Variants in MAP2K1 observed in about 807,000 individuals in gnomAD.
The protein encoded by MAP2K1 is mitogen-activated protein kinase kinase 1, also known as dual specificity mitogen-activated protein kinase kinase 1.
In MAP2K1, 16 loss-of-function variants were observed where a neutral mutation model predicts 46.3. That is an observed-to-expected ratio of 0.35 (90% confidence interval 0.23 to 0.52). The LOEUF is 0.52. MAP2K1 is among the 20% of genes least tolerant of loss of function. The pLI, the probability that MAP2K1 is intolerant of heterozygous loss-of-function variation, is 0.94. For synonymous variants in MAP2K1, 183 were observed against 185.6 expected (o/e 0.99, Z 0.11); for missense variants, 263 against 497.1 (o/e 0.53, Z 4.48).
chr15:66,436,742 C>T lies in MAP2K1; in HGVS notation c.292-4C>T, dbSNP rs771407622. The T allele has an allele frequency of 6.2e-7, 1 of 1,614,130 alleles. No homozygotes were observed. The highest frequency in any genetic ancestry group is 1.1e-5 in the South Asian group (1 of 91,080). The stretch of plus-strand genomic sequence containing the variant: ...AAACCTCTCTTTCTTCCACCTTTCT[C>T]CAGCTAATTCATCTGGAGATCAAAC... On this transcript the variant is annotated splice_region_variant and splice_polypyrimidine_tract_variant and intron_variant, in intron 2 of 10. Coordinates refer to ENST00000307102, the MANE Select transcript of MAP2K1 (RefSeq NM_002755.4).
chr15:66,419,345 C>T (rs1390656320), intron 1 of MAP2K1, among the ~76,000 whole-genome samples: 1 of 151,862 alleles, frequency 6.6e-6, no homozygotes, highest in Non-Finnish European at 1.5e-5. Flanking sequence ...CATGGCAAAA[C>T]CCCGTCTCTA....
At chr15:66,473,850 T>C (rs917836122) in intron 5 of MAP2K1, among the ~76,000 whole-genome samples, 1 of 152,068 alleles carries the variant, frequency 6.6e-6, no homozygotes, top group Non-Finnish European at 1.5e-5. Context: ...GATAATTTTT[T>C]TTGGTATTTT....
chr15:66,452,451 TCTGTGGCTTCTTAAGAC>T (rs1194898567), intron 5 of MAP2K1, among the ~76,000 whole-genome samples: 2 of 152,334 alleles, frequency 1.3e-5, no homozygotes, highest in Admixed American at 6.5e-5. Flanking sequence ...TAGTCCTTAA[TCTGTGGCTTCTTAAGAC>T]CTCTGAGTTC....
intron 1 of MAP2K1, among the ~76,000 whole-genome samples, chr15:66,412,935 G>A (rs890402616): frequency 7.3e-5 from 11 of 151,582 alleles, no homozygotes; most frequent in African/African-American, 2.7e-4. Context: ...TCTCTCTGTC[G>A]CCCTGGCTGG....
chr15:66,485,329 G>A (rs1893012082), intron 7 of MAP2K1, 138 bp downstream of exon 7: 9 of 844,178 alleles, frequency 1.1e-5, no homozygotes, highest in African/African-American at 3.4e-5. Flanking sequence ...TAGGGCCAGG[G>A]GAAGCAGCAA....
intron 6 of MAP2K1, among the ~76,000 whole-genome samples, chr15:66,482,758 A>G (rs572636637): frequency 5.9e-5 from 9 of 152,294 alleles, no homozygotes; most frequent in Admixed American, 1.3e-4. Context: ...GGGAGGGTAC[A>G]TGGATAAAAC....
chr15:66,402,232 G>T (rs1040104922), intron 1 of MAP2K1, among the ~76,000 whole-genome samples: 1 of 152,112 alleles, frequency 6.6e-6, no homozygotes, highest in Non-Finnish European at 1.5e-5. Context: ...ACAACTAGCA[G>T]GAATATGTGG....
chr15:66,421,883 CT>C (rs35469194), intron 1 of MAP2K1, among the ~76,000 whole-genome samples: 151 of 143,086 alleles, frequency 1.1e-3, no homozygotes, highest in South Asian at 2.6e-3. Flanking sequence ...CCCTCTTTCT[CT>C]TTTTTTTTTT....
At chr15:66,388,823 C>T (rs2093349521) in intron 1 of MAP2K1, among the ~76,000 whole-genome samples, 1 of 151,958 alleles carries the variant, frequency 6.6e-6, no homozygotes, top group South Asian at 2.1e-4. Context: ...TTAGTCCCCT[C>T]TCAATCCTGT....
intron 1 of MAP2K1, among the ~76,000 whole-genome samples, chr15:66,412,721 G>A (rs2140539515): frequency 6.6e-6 from 1 of 152,062 alleles, no homozygotes; most frequent in South Asian, 2.1e-4. Context: ...TTGCCGTATT[G>A]CCCAGGCTGG....
rs1296318350 is a variant in MAP2K1 at position 66,489,134 on chromosome 15, T to G, written c.961-81T>G. 3.7e-6 allele frequency: 4 copies of G among 1,081,436 alleles called. No homozygotes were observed. In the East Asian group the frequency reaches 9.6e-5, roughly 26 times the overall value. The allele number at this position is 1,081,436 out of a possible 1,614,324, so 67.0% of individuals were successfully genotyped here. On this transcript the variant is annotated intron_variant, in intron 8 of 10. Transcript: ENST00000307102. ...GACTTTAAAAAAAAGTAGCACTGGC[T>G]GGTGGGAGGGGTGGGATGGGGAGAG...
chr15:66,432,163 C>G (rs1014220016), intron 1 of MAP2K1, among the ~76,000 whole-genome samples: 1 of 152,128 alleles, frequency 6.6e-6, no homozygotes, highest in African/African-American at 2.4e-5. Flanking sequence ...CTCTTGAATA[C>G]TAGTGATTTG....
Position 66,387,311 on chromosome 15 carries a change from TC to T in MAP2K1, c.-31del. 1.3e-6 allele frequency: 2 copies of T among 1,516,790 alleles called. No homozygotes were observed. Among genetic ancestry groups the T allele is most frequent in the Non-Finnish European group, 1.8e-6 (2 of 1,116,054 alleles). 94.0% of individuals were successfully genotyped at this position (1,516,790 alleles called of 1,614,324 possible). ...CGGGAGGAAGCGAGAGGTGCTGCCC[TC>T]CCCCCGGAGTTGGAAGCGCGTTACC... On this transcript the variant is annotated 5_prime_UTR_variant, in exon 1 of 11. Coordinates refer to ENST00000307102, the MANE Select transcript of MAP2K1 (RefSeq NM_002755.4).
intron 1 of MAP2K1, among the ~76,000 whole-genome samples, chr15:66,397,124 C>T (rs1168334711): frequency 6.7e-6 from 1 of 148,758 alleles, no homozygotes; most frequent in African/African-American, 2.5e-5. Context: ...CCTGCCTCAG[C>T]TTCCCGAGTA....
chr15:66,391,954 G>A (rs2093356955), intron 1 of MAP2K1, among the ~76,000 whole-genome samples: 1 of 152,146 alleles, frequency 6.6e-6, no homozygotes, highest in African/African-American at 2.4e-5. Flanking sequence ...GTTATGTTGA[G>A]GTAACAACCA....
At chr15:66,487,422 C>A in intron 8 of MAP2K1, 130 bp downstream of exon 8, 2 of 848,588 alleles carry the variant, frequency 2.4e-6, no homozygotes, top group Non-Finnish European at 4.0e-6. Context: ...GTGGATCACA[C>A]GAGGTGAGGA....
intron 1 of MAP2K1, among the ~76,000 whole-genome samples, chr15:66,395,254 A>C (rs1482495671): frequency 6.6e-6 from 1 of 152,238 alleles, no homozygotes; most frequent in Admixed American, 6.5e-5. Context: ...ATTAACAATA[A>C]TAACCAATAA....
At chr15:66,388,233 A>G (rs1156982843) in intron 1 of MAP2K1, among the ~76,000 whole-genome samples, 1 of 152,210 alleles carries the variant, frequency 6.6e-6, no homozygotes, top group Non-Finnish European at 1.5e-5. Context: ...ATTTCATTAA[A>G]TAATCATGAG....
intron 5 of MAP2K1, among the ~76,000 whole-genome samples, chr15:66,458,584 A>G (rs1892232684): frequency 6.6e-6 from 1 of 152,210 alleles, no homozygotes; most frequent in Non-Finnish European, 1.5e-5. Context: ...TGGTGCGATC[A>G]TGGCTCACTG....
Sources: allele counts gnomAD v4.1 joint callset (sites outside exome capture counted in the v4.1 genomes callset), GRCh38; gene constraint gnomAD v4.1.1; transcripts MANE v1.5; gene names NCBI Gene and HGNC (gene_info 2026-07-23, HGNC 2026-07-21).